RNF150: variants seen among roughly 807,000 people sequenced by gnomAD.
RNF150 encodes ring finger protein 150.
A neutral mutation model predicts 39.3 loss-of-function variants in RNF150; 24 were observed. That is an observed-to-expected ratio of 0.61 (90% CI 0.44 to 0.86). RNF150 has a LOEUF of 0.86. Ranked by LOEUF, RNF150 falls within the 40% of genes least tolerant of loss-of-function variation. The pLI is 0.00. For synonymous variants in RNF150, 255 were observed against 227.3 expected (o/e 1.12, Z -1.10); for missense variants, 502 against 587.8 (o/e 0.85, Z 1.51).
chr4:141,075,183 T>TA (rs1349109178), intron 1 of RNF150, among the ~76,000 whole-genome samples: 2 of 152,204 alleles, frequency 1.3e-5, no homozygotes, highest in Non-Finnish European at 2.9e-5. Flanking sequence ...AATCAGAAGA[T>TA]ATGTATTTTA....
rs1728476486 is a variant in RNF150 at position 140,861,186 on chromosome 4, G to T, written c.*7075C>A. 1 of 152,118 alleles carries T rather than the reference G, an allele frequency of 6.6e-6. No individual in the cohort carries two copies. Among genetic ancestry groups the T allele is most frequent in the Non-Finnish European group, 1.5e-5 (1 of 68,030 alleles). The allele number at this position is 152,118 out of a possible 1,614,324, so 9.4% of individuals were successfully genotyped here. On this transcript the variant is annotated 3_prime_UTR_variant, in exon 7 of 7. Transcript: ENST00000515673. ...TATTTCACACCATTTACATTCATAT[G>T]AAGTCTTTTTATTGATCTTCCTTTG...
chr4:141,040,028 G>A (rs902733454), intron 1 of RNF150, among the ~76,000 whole-genome samples: 12 of 152,050 alleles, frequency 7.9e-5, no homozygotes, highest in Non-Finnish European at 1.0e-4. Context: ...AGAGAAGCCC[G>A]CTCCTTTTTC....
At chr4:140,988,543 G>C (rs1734086640) in intron 1 of RNF150, among the ~76,000 whole-genome samples, 1 of 151,978 alleles carries the variant, frequency 6.6e-6, no homozygotes, top group South Asian at 2.1e-4. Flanking sequence ...CAACGTGCAG[G>C]TTTGTTACAT....
At position 140,903,283 on chromosome 4, in the gene RNF150, C is replaced by A. The variant is rs532978019; in HGVS notation, c.1198+7861G>T. Among the ~76,000 whole-genome samples, 7 of 152,280 alleles carry A rather than the reference C, an allele frequency of 4.6e-5. No homozygotes were observed. The South Asian group carries it at 1.5e-3, about 32-fold the overall frequency. On this transcript the variant is annotated intron_variant, in intron 6 of 6. Coordinates refer to ENST00000515673, the MANE Select transcript of RNF150 (RefSeq NM_020724.2). The stretch of plus-strand genomic sequence containing the variant: ...AATAATGTTCTAATAGTGACACTTT[C>A]CTTTGTTCTGAACCACTGAATTTCA...
intron 1 of RNF150, among the ~76,000 whole-genome samples, chr4:141,129,093 A>G (rs55833646): frequency 0.034 from 5,166 of 152,312 alleles, 316 homozygotes; most frequent in African/African-American, 0.12. Flanking sequence ...TAGAGTTGCC[A>G]TATGACTCAG....
intron 1 of RNF150, among the ~76,000 whole-genome samples, chr4:141,189,764 A>T (rs1440794115): frequency 1.3e-5 from 2 of 152,164 alleles, no homozygotes; most frequent in Non-Finnish European, 2.9e-5. Context: ...AAGCTGAAGC[A>T]TGCCAGGTTG....
At chr4:140,906,644 A>T (rs909360760) in intron 6 of RNF150, among the ~76,000 whole-genome samples, 14 of 152,210 alleles carry the variant, frequency 9.2e-5, no homozygotes, top group African/African-American at 3.1e-4. Context: ...TTTCATTTCA[A>T]CTGGCCAAGT....
intron 1 of RNF150, among the ~76,000 whole-genome samples, chr4:141,008,846 TCTC>T (rs1467790421): frequency 6.7e-6 from 1 of 150,260 alleles, no homozygotes; most frequent in Non-Finnish European, 1.5e-5. Context: ...TCTTCTTCCT[TCTC>T]CTTCTTCTTC....
chr4:141,010,857 T>A (rs1188550275), intron 1 of RNF150, among the ~76,000 whole-genome samples: 1 of 152,080 alleles, frequency 6.6e-6, no homozygotes, highest in Non-Finnish European at 1.5e-5. Flanking sequence ...GTCTGCGGGT[T>A]CTGCATGGGC....
intron 1 of RNF150, among the ~76,000 whole-genome samples, chr4:141,017,870 T>C (rs1735338645): frequency 6.6e-6 from 1 of 152,202 alleles, no homozygotes; most frequent in Non-Finnish European, 1.5e-5. Context: ...CCCTTGGTTA[T>C]ATGTACCACA....
rs1728589007 is a variant in RNF150, at chr4:140,863,811, T to A, written c.*4450A>T. On this transcript the variant is annotated 3_prime_UTR_variant, in exon 7 of 7. Coordinates refer to ENST00000515673, the MANE Select transcript of RNF150 (RefSeq NM_020724.2). ...AGAGGGAGTGACTCCATAGCCCAGA[T>A]TTTTTGAAAAGTTTTGATTTAAGGA... The A allele has an allele frequency of 6.6e-6, 1 of 151,714 alleles. No homozygotes were observed. The highest frequency in any genetic ancestry group is 1.5e-5 in the Non-Finnish European group (1 of 67,928). The allele number at this position is 151,714 out of a possible 1,614,324, so 9.4% of individuals were successfully genotyped here.
intron 6 of RNF150, among the ~76,000 whole-genome samples, chr4:140,878,374 T>A (rs923100383): frequency 6.6e-6 from 1 of 152,060 alleles, no homozygotes; most frequent in African/African-American, 2.4e-5. Flanking sequence ...TTTTACCATA[T>A]CAGCCAGGCT....
intron 1 of RNF150, among the ~76,000 whole-genome samples, chr4:140,981,977 C>A (rs1011816334): frequency 1.3e-5 from 2 of 152,126 alleles, no homozygotes; most frequent in African/African-American, 4.8e-5. Context: ...CTTACTCTTT[C>A]AAAAAGCCCA....
At chr4:140,921,481 C>A (rs1045170056) in intron 5 of RNF150, among the ~76,000 whole-genome samples, 6 of 151,992 alleles carry the variant, frequency 3.9e-5, no homozygotes, top group Non-Finnish European at 5.9e-5. Flanking sequence ...AATTAATAGC[C>A]CACCAACCAA....
At chr4:141,137,417 T>C (rs73849845), upstream of RNF150, among the ~76,000 whole-genome samples, 1,158 of 152,334 alleles carry the variant, frequency 7.6e-3, 16 homozygotes, top group African/African-American at 0.027. Context: ...AGTGATTCGA[T>C]CCTCAATATG....
At chr4:140,960,383 A>G (rs544539838) in intron 2 of RNF150, among the ~76,000 whole-genome samples, 1 of 152,260 alleles carries the variant, frequency 6.6e-6, no homozygotes, top group African/African-American at 2.4e-5. Flanking sequence ...GTAATTTCCT[A>G]AGTGATGGGA....
chr4:140,868,288 G>C lies in RNF150; in HGVS notation c.1290C>G (p.Asp430Glu), dbSNP rs778036334. The C allele has an allele frequency of 6.2e-7, 1 of 1,603,594 alleles. No homozygotes were observed. Among genetic ancestry groups the C allele is most frequent in the South Asian group, 1.1e-5 (1 of 90,898 alleles). Reference protein sequence around the residue: ...VGLSDVELSTDQDCEEVKS With the variant: ...VGLSDVELSTEQDCEEVKS ...AAGATTTCACTTCTTCACAGTCCTGGTCAGTGGAAAGTTCTACATCAGACA... is the reference window on the plus strand; with the variant it reads ...AAGATTTCACTTCTTCACAGTCCTGCTCAGTGGAAAGTTCTACATCAGACA... Residue 430 changes from aspartate (D) to glutamate (E), a missense_variant, in exon 7 of 7, where the codon GAC becomes GAG. Physicochemically the swap from Asp to Glu is conservative, Grantham distance 45 (BLOSUM62 2). Transcript: ENST00000515673.
chr4:141,041,226 T>C (rs1736355361), intron 1 of RNF150, among the ~76,000 whole-genome samples: 1 of 152,164 alleles, frequency 6.6e-6, no homozygotes, highest in African/African-American at 2.4e-5. Flanking sequence ...TGTTAAGTGC[T>C]GTGATATAAG....
At chr4:140,918,686 G>A (rs1022033651) in intron 5 of RNF150, among the ~76,000 whole-genome samples, 4 of 150,672 alleles carry the variant, frequency 2.7e-5, no homozygotes, top group African/African-American at 9.8e-5. Context: ...CTCATTTTAT[G>A]AGGCCAGCAT....
Sources: gnomAD v4.1 joint callset for allele counts (sites outside exome capture counted in the v4.1 genomes callset) on GRCh38, gnomAD v4.1.1 for gene constraint, MANE v1.5 for transcripts, NCBI Gene and HGNC (gene_info 2026-07-23, HGNC 2026-07-21) for gene names.